Variants in PRR16 observed in about 807,000 individuals in gnomAD.
PRR16 encodes proline rich 16.
In PRR16, 6 loss-of-function variants were observed where a neutral mutation model predicts 18.2. The observed-to-expected ratio is 0.33, with a 90% CI of 0.18 to 0.65. The LOEUF is 0.65. Among genes scored for constraint, PRR16 ranks in the 30% least tolerant of loss-of-function variants. PRR16 has a pLI of 0.74. For synonymous variants in PRR16, 151 were observed against 147.8 expected (o/e 1.02, Z -0.16); for missense variants, 412 against 376.6 (o/e 1.09, Z -0.78).
At chr5:120,777,690 T>G in the PRR16 span, among the ~76,000 whole-genome samples, 1 of 152,154 alleles carries the variant, frequency 6.6e-6, no homozygotes, top group Non-Finnish European at 1.5e-5. Context: ...AGAGGCCTTC[T>G]GATTTATTTC....
At chr5:120,754,306 T>C in the PRR16 span, among the ~76,000 whole-genome samples, 3 of 45,930 alleles carry the variant, frequency 6.5e-5, no homozygotes, top group Admixed American at 3.7e-4. Context: ...TAATATATAA[T>C]ATATAACATA....
chr5:120,650,641 C>T (rs1043791343), intron 1 of PRR16, among the ~76,000 whole-genome samples: 2 of 152,056 alleles, frequency 1.3e-5, no homozygotes, highest in African/African-American at 4.8e-5. Context: ...ATCCATGTCC[C>T]TACAAAGGAC....
At chr5:120,717,417 C>T in the PRR16 span, among the ~76,000 whole-genome samples, 3 of 151,978 alleles carry the variant, frequency 2.0e-5, no homozygotes, top group Non-Finnish European at 4.4e-5. Flanking sequence ...TTTTTGAAAC[C>T]GTCTAAAGAA....
the PRR16 span, among the ~76,000 whole-genome samples, chr5:120,736,363 C>G: frequency 1.4e-4 from 22 of 152,128 alleles, 1 homozygote; most frequent in East Asian, 4.3e-3. Context: ...CTCCCGGGTT[C>G]AAGTGATTCT....
At chr5:120,792,890 G>T in the PRR16 span, among the ~76,000 whole-genome samples, 3 of 150,972 alleles carry the variant, frequency 2.0e-5, no homozygotes, top group African/African-American at 7.2e-5. Context: ...GGTGGCTCAC[G>T]CCTGTTAATC....
intron 1 of PRR16, among the ~76,000 whole-genome samples, chr5:120,563,522 C>A (rs1291455971): frequency 6.6e-6 from 1 of 152,186 alleles, no homozygotes; most frequent in African/African-American, 2.4e-5. Context: ...GCCACCACCA[C>A]CAACAGCCCA....
At chr5:120,529,349 T>G (rs1375192826) in intron 1 of PRR16, among the ~76,000 whole-genome samples, 1 of 152,182 alleles carries the variant, frequency 6.6e-6, no homozygotes, top group Non-Finnish European at 1.5e-5. Context: ...CCTATTTTTT[T>G]CTTTCTGATA....
intron 1 of PRR16, among the ~76,000 whole-genome samples, chr5:120,509,759 A>C (rs1271293695): frequency 6.6e-6 from 1 of 152,182 alleles, no homozygotes; most frequent in African/African-American, 2.4e-5. Context: ...CGTCAGGTGA[A>C]TATCAAGGCA....
intron 1 of PRR16, among the ~76,000 whole-genome samples, chr5:120,661,505 T>G (rs1227307608): frequency 2.0e-5 from 3 of 152,052 alleles, no homozygotes; most frequent in African/African-American, 7.3e-5. Context: ...TCTTGAATAC[T>G]CTTTTTTTTT....
the PRR16 span, among the ~76,000 whole-genome samples, chr5:120,721,117 A>C: frequency 1.3e-5 from 2 of 152,118 alleles, no homozygotes; most frequent in African/African-American, 2.4e-5. Context: ...GTTGTTCAAT[A>C]AAATGTATGG....
At chr5:120,757,700 TATAG>T in the PRR16 span, among the ~76,000 whole-genome samples, 1 of 152,064 alleles carries the variant, frequency 6.6e-6, no homozygotes. Context: ...AAGTAATAAT[TATAG>T]ATAATACCAG....
At chr5:120,668,950 A>T (rs1221411207) in intron 1 of PRR16, among the ~76,000 whole-genome samples, 1 of 152,196 alleles carries the variant, frequency 6.6e-6, no homozygotes, top group Non-Finnish European at 1.5e-5. Flanking sequence ...TTTTAAGAAA[A>T]TAAAGTGACC....
At chr5:120,590,867 T>G (rs1481105826) in intron 1 of PRR16, among the ~76,000 whole-genome samples, 1 of 152,204 alleles carries the variant, frequency 6.6e-6, no homozygotes, top group Non-Finnish European at 1.5e-5. Context: ...TTACTCATAA[T>G]TGTTCACCAC....
At chr5:120,626,969 A>G (rs1302539605) in intron 1 of PRR16, among the ~76,000 whole-genome samples, 1 of 152,068 alleles carries the variant, frequency 6.6e-6, no homozygotes, top group Non-Finnish European at 1.5e-5. Context: ...GTTTAATTGG[A>G]AGTTTTATCA....
intron 1 of PRR16, among the ~76,000 whole-genome samples, chr5:120,533,497 G>T (rs529115459): frequency 6.6e-6 from 1 of 152,278 alleles, no homozygotes; most frequent in South Asian, 2.1e-4. Context: ...GGGAGGGGTA[G>T]GGATAAGTGC....
intron 1 of PRR16, among the ~76,000 whole-genome samples, chr5:120,585,239 A>G (rs550166077): frequency 6.6e-6 from 1 of 152,318 alleles, no homozygotes; most frequent in South Asian, 2.1e-4. Context: ...GGCTAACAGC[A>G]CATACAATTA....
intron 1 of PRR16, among the ~76,000 whole-genome samples, chr5:120,578,534 G>A (rs1177029278): frequency 1.3e-5 from 2 of 152,134 alleles, no homozygotes; most frequent in East Asian, 1.9e-4. Flanking sequence ...TGCTGAGGAC[G>A]ATGGCTTCCA....
At chr5:120,679,510 T>G (rs1756906857) in intron 1 of PRR16, among the ~76,000 whole-genome samples, 1 of 152,194 alleles carries the variant, frequency 6.6e-6, no homozygotes, top group African/African-American at 2.4e-5. Flanking sequence ...TCTAGGTGAT[T>G]TATTTACTTC....
chr5:120,686,745 T>C lies in PRR16; in HGVS notation c.*36T>C. 1 of 1,368,650 alleles carries C rather than the reference T, an allele frequency of 7.3e-7. No homozygotes were observed. Among genetic ancestry groups the C allele is most frequent in the Non-Finnish European group, 9.6e-7 (1 of 1,041,766 alleles). 84.8% of individuals were successfully genotyped at this position (1,368,650 alleles called of 1,614,324 possible). On this transcript the variant is annotated 3_prime_UTR_variant, in exon 2 of 2. Coordinates refer to ENST00000407149, the MANE Select transcript of PRR16 (RefSeq NM_001300783.2). Reference sequence around the variant, plus strand: ...TAAAAAAATTGTTTTTTTAATTTTCTATATTATAAACATAAAATAAGTAAT... The same window carrying C: ...TAAAAAAATTGTTTTTTTAATTTTCCATATTATAAACATAAAATAAGTAAT...
Sources: allele counts gnomAD v4.1 joint callset (sites outside exome capture counted in the v4.1 genomes callset), GRCh38; gene constraint gnomAD v4.1.1; transcripts MANE v1.5; gene names NCBI Gene and HGNC (gene_info 2026-07-23, HGNC 2026-07-21).